SPEF2: variants seen among roughly 807,000 people sequenced by gnomAD.
SPEF2 encodes sperm flagellar and cilia associated 2.
In SPEF2, 187 loss-of-function variants were observed where a neutral mutation model predicts 224.6. The observed-to-expected ratio is 0.83, with a 90% confidence interval of 0.74 to 0.94. The LOEUF (loss-of-function observed/expected upper bound fraction) is 0.94. Among genes scored for constraint, SPEF2 ranks in the 40% least tolerant of loss-of-function variants. SPEF2 has a pLI of 0.00. For missense variants in SPEF2, 2,170 were observed against 2,135.6 expected (o/e 1.02, Z -0.32); for synonymous variants, 715 against 707.3 (o/e 1.01, Z -0.17).
At chr5:35,692,866 G>GA in intron 12 of SPEF2, 142 bp downstream of exon 12, 1 of 677,990 alleles carries the variant, frequency 1.5e-6, no homozygotes, top group African/African-American at 1.9e-5. Context: ...CAAAAGTCTA[G>GA]AAAATAAATA....
intron 30 of SPEF2, among the ~76,000 whole-genome samples, chr5:35,780,314 G>A (rs896066972): frequency 1.3e-5 from 2 of 152,140 alleles, no homozygotes; most frequent in African/African-American, 4.8e-5. Context: ...AGTAAAAAGA[G>A]CATTACTCTA....
chr5:35,681,002 C>T (rs79903260), intron 10 of SPEF2, among the ~76,000 whole-genome samples: 7,043 of 152,198 alleles, frequency 0.046, 193 homozygotes, highest in Non-Finnish European at 0.055. Context: ...AATGGGCAAT[C>T]GGCTTGTCCC....
At chr5:35,664,278 G>GA (rs10674710) in intron 8 of SPEF2, among the ~76,000 whole-genome samples, 59,857 of 114,938 alleles carry the variant, frequency 0.52, 13,667 homozygotes, top group East Asian at 0.75. Flanking sequence ...ATGAAATAAA[G>GA]AAAAAAAAAA....
rs543920611 is a variant in SPEF2, at chr5:35,785,977, C to T, written c.4448-6363C>T. 2.2e-4 allele frequency among the ~76,000 whole-genome samples: 34 copies of T among 152,252 alleles called. 1 individual carries two copies. The highest frequency in any genetic ancestry group is 7.5e-4 in the African/African-American group (31 of 41,536). On this transcript the variant is annotated intron_variant, in intron 30 of 36. Coordinates refer to ENST00000356031, the MANE Select transcript of SPEF2 (RefSeq NM_024867.4). ...TCAAAAGCCTCTGGGCTAACCCTCA[C>T]GCTGACTCACATAGGCAACAGTAGC...
chr5:35,688,674 G>T (rs946663142), intron 10 of SPEF2, among the ~76,000 whole-genome samples: 2 of 152,078 alleles, frequency 1.3e-5, no homozygotes, highest in Admixed American at 1.3e-4. Flanking sequence ...GACTGCCCGG[G>T]TTCCAATCTA....
At chr5:35,786,645 C>T (rs903047808) in intron 30 of SPEF2, among the ~76,000 whole-genome samples, 1 of 151,514 alleles carries the variant, frequency 6.6e-6, no homozygotes, top group East Asian at 1.9e-4. Flanking sequence ...TGGGCGACAG[C>T]GGGAGACTCC....
intron 23 of SPEF2, among the ~76,000 whole-genome samples, chr5:35,746,393 A>C (rs1748527927): frequency 2.6e-5 from 4 of 152,242 alleles, no homozygotes; most frequent in Admixed American, 2.0e-4. Context: ...GAGAAAGGCA[A>C]AGCCCAATGC....
At chr5:35,635,302 G>A (rs889379323) in intron 2 of SPEF2, among the ~76,000 whole-genome samples, 4 of 151,902 alleles carry the variant, frequency 2.6e-5, no homozygotes, top group African/African-American at 9.7e-5. Flanking sequence ...TTCTATTTCT[G>A]TATTGATACT....
Position 35,700,652 on chromosome 5 carries a change from G to A in SPEF2, c.2298G>A (p.Ala766=), listed in dbSNP as rs757644479. 7 of 1,613,844 alleles carry A rather than the reference G, an allele frequency of 4.3e-6. No individual in the cohort carries two copies. The highest frequency in any genetic ancestry group is 3.3e-5 in the South Asian group (3 of 91,080). ...AQKSTLAIDP[A]TSKEIPLPSP... ...AATCCACATTGGCTATTGATCCTGC[G>A]ACTTCCAAAGAAATACCTCTTCCCT... The change falls in exon 16 of 37, where the codon GCG becomes GCA. Residue 766 remains alanine (A), a synonymous_variant. Transcript: ENST00000356031.
At chr5:35,744,100 G>A (rs923712571) in intron 23 of SPEF2, among the ~76,000 whole-genome samples, 16 of 152,072 alleles carry the variant, frequency 1.1e-4, no homozygotes, top group Non-Finnish European at 2.1e-4. Flanking sequence ...TTTTTAATTT[G>A]TATGTGGTCA....
intron 10 of SPEF2, among the ~76,000 whole-genome samples, chr5:35,672,893 A>C (rs1751381913): frequency 6.6e-6 from 1 of 152,168 alleles, no homozygotes; most frequent in Non-Finnish European, 1.5e-5. Flanking sequence ...AAAATTTTTA[A>C]ATATTGTACC....
At chr5:35,750,244 A>G (rs1024300470) in intron 23 of SPEF2, among the ~76,000 whole-genome samples, 23 of 152,322 alleles carry the variant, frequency 1.5e-4, no homozygotes, top group African/African-American at 5.3e-4. Context: ...CTGAAACTAA[A>G]AATTCTACAA....
At chr5:35,765,406 A>G (rs4869619) in intron 26 of SPEF2, among the ~76,000 whole-genome samples, 15,912 of 152,168 alleles carry the variant, frequency 0.1, 1,223 homozygotes, top group African/African-American at 0.22. Flanking sequence ...ATGCTTGTAC[A>G]TGTCTCCTGG....
intron 8 of SPEF2, among the ~76,000 whole-genome samples, chr5:35,664,842 G>GAA (rs1750249073): frequency 2.0e-4 from 2 of 10,208 alleles, no homozygotes; most frequent in African/African-American, 8.2e-4. Flanking sequence ...AAGGAGGAGA[G>GAA]AGAGAAAACG....
chr5:35,700,778 T>C (rs1415798501), intron 16 of SPEF2, 26 bp downstream of exon 16: 1 of 1,607,614 alleles, frequency 6.2e-7, no homozygotes, highest in African/African-American at 1.3e-5. Flanking sequence ...TTTTTGACAC[T>C]CTTTTTACAA....
chr5:35,799,984 T>C lies in SPEF2; in HGVS notation c.4847T>C (p.Phe1616Ser). The C allele has an allele frequency of 1.9e-6, 3 of 1,614,024 alleles. No individual in the cohort carries two copies. Among genetic ancestry groups the C allele is most frequent in the Non-Finnish European group, 2.5e-6 (3 of 1,179,974 alleles). ...TGTGTGCAGTTTTTCTTTAGGCTATTTGCTGACTATGAGAAGGATCCACCC... is the reference window on the plus strand; with the variant it reads ...TGTGTGCAGTTTTTCTTTAGGCTATCTGCTGACTATGAGAAGGATCCACCC... Reference protein sequence around the residue: ...EHLIEFFFRLFADYEKDPPQL... With the variant: ...EHLIEFFFRLSADYEKDPPQL... The change falls in exon 34 of 37, where the codon TTT (phenylalanine) becomes TCT (serine). Residue 1616 changes from phenylalanine (F) to serine (S), a missense_variant. Transcript: ENST00000356031.
At chr5:35,620,226 G>A (rs1358607438) in intron 1 of SPEF2, among the ~76,000 whole-genome samples, 1 of 152,130 alleles carries the variant, frequency 6.6e-6, no homozygotes, top group Non-Finnish European at 1.5e-5. Flanking sequence ...CTGTTGTGTG[G>A]TGCACAATGG....
chr5:35,632,314 G>A (rs976760744), intron 2 of SPEF2, among the ~76,000 whole-genome samples: 1 of 152,186 alleles, frequency 6.6e-6, no homozygotes, highest in Admixed American at 6.5e-5. Flanking sequence ...TGGCAGAAGA[G>A]GAAGCAAACA....
chr5:35,789,647 TGTG>T, intron 30 of SPEF2: 2 of 630,456 alleles, frequency 3.2e-6, no homozygotes, highest in South Asian at 3.7e-5. Flanking sequence ...CCAGCCAAAA[TGTG>T]GTGAGGGCTA....
Sources: allele counts gnomAD v4.1 joint callset (sites outside exome capture counted in the v4.1 genomes callset), GRCh38; gene constraint gnomAD v4.1.1; transcripts MANE v1.5; gene names NCBI Gene and HGNC (gene_info 2026-07-23, HGNC 2026-07-21).